The following DCC variants were observed in gnomAD, a reference collection of about 807,000 sequenced individuals.
The protein encoded by DCC is DCC netrin 1 receptor, also known as netrin receptor DCC.
DCC carries 58 observed loss-of-function variants against 172.5 expected under a neutral mutation model. The observed-to-expected ratio is 0.34, with a 90% CI of 0.27 to 0.42. The LOEUF (loss-of-function observed/expected upper bound fraction) is 0.42, where lower values mean the gene tolerates loss of function less well. DCC is among the 10% of genes least tolerant of loss of function. The pLI, the probability that DCC is intolerant of heterozygous loss-of-function variation, is 1.00. For synonymous variants in DCC, 709 were observed against 644.5 expected (o/e 1.10, Z -1.52); for missense variants, 1,740 against 1,791.0 (o/e 0.97, Z 0.51).
chr18:52,447,058 C>G (rs1988148429), intron 1 of DCC, among the ~76,000 whole-genome samples: 1 of 152,204 alleles, frequency 6.6e-6, no homozygotes, highest in Non-Finnish European at 1.5e-5. Context: ...ATTCTTTTCT[C>G]CATATTCTTA....
At chr18:53,492,026 T>A (rs900917441) in intron 26 of DCC, among the ~76,000 whole-genome samples, 3 of 152,222 alleles carry the variant, frequency 2.0e-5, no homozygotes, top group Non-Finnish European at 2.9e-5. Context: ...AGATGGTATC[T>A]CATTGCGGTT....
At chr18:53,221,511 A>G (rs2144592140) in intron 12 of DCC, among the ~76,000 whole-genome samples, 1 of 152,288 alleles carries the variant, frequency 6.6e-6, no homozygotes, top group East Asian at 1.9e-4. Context: ...CATGAAGGCA[A>G]ATTCTGGATC....
chr18:53,121,432 T>C (rs1431794912), intron 7 of DCC, among the ~76,000 whole-genome samples: 1 of 151,938 alleles, frequency 6.6e-6, no homozygotes, highest in Non-Finnish European at 1.5e-5. Flanking sequence ...TGCACATTTC[T>C]TATTGTTGTC....
chr18:52,392,999 G>A (rs554207055), intron 1 of DCC, among the ~76,000 whole-genome samples: 3 of 152,092 alleles, frequency 2.0e-5, no homozygotes, highest in South Asian at 2.1e-4. Flanking sequence ...TCATTCCTCT[G>A]TGGTGAAGCC....
chr18:52,409,829 A>G lies in DCC; in HGVS notation c.91+68951A>G, dbSNP rs573819419. Reference sequence around the variant, plus strand: ...AGATTGTCAGGTAGGAAGGGCAAGTATCATTATCCTTATTTTGCAGTTGGA... The same window carrying G: ...AGATTGTCAGGTAGGAAGGGCAAGTGTCATTATCCTTATTTTGCAGTTGGA... On this transcript the variant is annotated intron_variant, in intron 1 of 28. Transcript: ENST00000442544. Among the ~76,000 whole-genome samples the G allele has an allele frequency of 1.6e-4, 25 of 152,292 alleles. No individual in the cohort carries two copies. In the South Asian group the frequency reaches 3.5e-3, roughly 21 times the overall value.
chr18:52,985,686 A>C (rs1460691162), intron 5 of DCC, among the ~76,000 whole-genome samples: 1 of 151,620 alleles, frequency 6.6e-6, no homozygotes, highest in African/African-American at 2.4e-5. Flanking sequence ...TTCCCTTAAA[A>C]CCATTATTAG....
At position 52,925,259 on chromosome 18, in the gene DCC, G is replaced by T; in HGVS notation, c.874G>T (p.Gly292Ter). The T allele has an allele frequency of 6.2e-7, 1 of 1,612,448 alleles. No individual in the cohort carries two copies. Among genetic ancestry groups the T allele is most frequent in the South Asian group, 1.1e-5 (1 of 91,074 alleles). The change falls in exon 5 of 29, where the codon GGA (glycine) becomes TGA (stop). Residue 292 changes from glycine (G) to a stop codon, truncating the protein, a stop_gained. Coordinates refer to ENST00000442544, the MANE Select transcript of DCC (RefSeq NM_005215.4). LOFTEE classifies it high-confidence loss of function. ...GTCTAAAAAGTATTCTTTATTGGGT[G>T]GAAGCAACTTGCTTATCTCCAATGT... is the stretch of plus-strand genomic sequence containing the variant. The part of the protein sequence containing the change: ...LRSKKYSLLG[G>*]SNLLISNVTD...
chr18:52,704,345 G>T (rs1375209362), intron 1 of DCC, among the ~76,000 whole-genome samples: 1 of 151,958 alleles, frequency 6.6e-6, no homozygotes, highest in Non-Finnish European at 1.5e-5. Flanking sequence ...GGTGACAGCT[G>T]GTAATTCATT....
chr18:53,373,193 T>C (rs1029322589), intron 15 of DCC, among the ~76,000 whole-genome samples: 2 of 152,198 alleles, frequency 1.3e-5, no homozygotes, highest in Admixed American at 1.3e-4. Context: ...TATAATTGAA[T>C]GTATTTTTCT....
intron 27 of DCC, among the ~76,000 whole-genome samples, chr18:53,502,663 AG>A (rs1199951866): frequency 6.6e-6 from 1 of 152,204 alleles, no homozygotes; most frequent in African/African-American, 2.4e-5. Flanking sequence ...TTCACAAGAA[AG>A]GACTGCATAA....
intron 2 of DCC, among the ~76,000 whole-genome samples, chr18:52,811,714 T>C (rs543289826): frequency 1.3e-5 from 2 of 152,174 alleles, no homozygotes; most frequent in Non-Finnish European, 2.9e-5. Context: ...CTTTGTAGCT[T>C]TTCATTATTT....
At chr18:53,186,029 G>T (rs2055276929) in intron 9 of DCC, among the ~76,000 whole-genome samples, 1 of 152,174 alleles carries the variant, frequency 6.6e-6, no homozygotes, top group South Asian at 2.1e-4. Context: ...CTTACTAGTT[G>T]CTTGGGTTGA....
chr18:53,086,425 TTCC>T (rs1333765025), intron 7 of DCC, among the ~76,000 whole-genome samples: 1 of 40,910 alleles, frequency 2.4e-5, no homozygotes, highest in Non-Finnish European at 4.4e-5. Flanking sequence ...CTTCTTCTTC[TTCC>T]TTTCTTCTTC....
rs1157935880 is a variant in DCC, at chr18:53,063,221, T to G, written c.986-84T>G. ...ATAAATATTTTCTATCCCAGAGCAGTGTTTTAAACTCAGTGAAGACCTCAG... is the reference window on the plus strand; with the variant it reads ...ATAAATATTTTCTATCCCAGAGCAGGGTTTTAAACTCAGTGAAGACCTCAG... On this transcript the variant is annotated intron_variant, in intron 5 of 28. Transcript: ENST00000442544. 4.3e-6 allele frequency: 5 copies of G among 1,176,432 alleles called. No homozygotes were observed. In the Admixed American group the frequency reaches 8.4e-5, roughly 20 times the overall value. The allele number at this position is 1,176,432 out of a possible 1,614,324, so 72.9% of individuals were successfully genotyped here. A position where few individuals can be genotyped will look rare whatever the true frequency, so the allele number is the denominator to read the frequency against.
intron 1 of DCC, among the ~76,000 whole-genome samples, chr18:52,626,432 T>C (rs1235167070): frequency 6.6e-6 from 1 of 152,162 alleles, no homozygotes. Context: ...ATAATAGCCT[T>C]GCCAATTAGT....
chr18:52,906,343 T>C lies in DCC; in HGVS notation c.697+15T>C, dbSNP rs1156802396. On this transcript the variant is annotated intron_variant, in intron 3 of 28. Coordinates refer to ENST00000442544, the MANE Select transcript of DCC (RefSeq NM_005215.4). ...AATTTTATCAGGTATTGCAATGCTC[T>C]TTGTTGCCTTCAGAATGATATTCTC... The C allele has an allele frequency of 6.2e-7, 1 of 1,613,206 alleles. No homozygotes were observed.
chr18:52,568,311 C>T (rs2033210108), intron 1 of DCC, among the ~76,000 whole-genome samples: 1 of 152,000 alleles, frequency 6.6e-6, no homozygotes, highest in South Asian at 2.1e-4. Context: ...CTAGAAACAA[C>T]CAAGATATCT....
intron 15 of DCC, among the ~76,000 whole-genome samples, chr18:53,353,581 T>A (rs1017279771): frequency 4.6e-5 from 7 of 152,144 alleles, no homozygotes; most frequent in Non-Finnish European, 8.8e-5. Context: ...TCTTGTAACA[T>A]CATTGTGCTG....
rs577300479 is a variant in DCC at position 53,180,113 on chromosome 18, C to A, written c.1573+997C>A. Among the ~76,000 whole-genome samples, 3 of 152,146 alleles carry A rather than the reference C, an allele frequency of 2.0e-5. 1 individual carries two copies. Among genetic ancestry groups the A allele is most frequent in the African/African-American group, 7.2e-5 (3 of 41,512 alleles). On this transcript the variant is annotated intron_variant, in intron 9 of 28. Coordinates refer to ENST00000442544, the MANE Select transcript of DCC (RefSeq NM_005215.4). ...TAACTGGTAATTGTGAGAGAGTAAC[C>A]TTTGTATTCTATCACTTCTTGGGTG...
Sources: gnomAD v4.1 joint callset for allele counts (sites outside exome capture counted in the v4.1 genomes callset) on GRCh38, gnomAD v4.1.1 for gene constraint, MANE v1.5 for transcripts, NCBI Gene and HGNC (gene_info 2026-07-23, HGNC 2026-07-21) for gene names.